Variants in ME1 observed in about 807,000 individuals in gnomAD.
ME1 encodes the protein NADP-dependent malic enzyme.
In ME1, 74 loss-of-function variants were observed where a neutral mutation model predicts 66.4. The observed-to-expected ratio is 1.11, with a 90% CI of 0.92 to 1.35. The LOEUF (loss-of-function observed/expected upper bound fraction) is 1.35. Among genes scored for constraint, ME1 ranks in the 40% most tolerant of loss-of-function variants. The pLI is 0.00. For synonymous variants in ME1, 251 were observed against 235.6 expected (o/e 1.07, Z -0.60); for missense variants, 750 against 694.1 (o/e 1.08, Z -0.90).
intron 9 of ME1, among the ~76,000 whole-genome samples, chr6:83,237,480 C>T (rs1373749801): frequency 6.6e-6 from 1 of 152,112 alleles, no homozygotes; most frequent in Non-Finnish European, 1.5e-5. Context: ...TTCAAATGGA[C>T]TGTCAATTCA....
At chr6:83,326,452 C>A (rs1232822698) in intron 5 of ME1, among the ~76,000 whole-genome samples, 1 of 152,028 alleles carries the variant, frequency 6.6e-6, no homozygotes, top group Admixed American at 6.5e-5. Flanking sequence ...AGTGAACAGG[C>A]AACCTACAGA....
intron 3 of ME1, among the ~76,000 whole-genome samples, chr6:83,375,162 T>C (rs1769263326): frequency 6.6e-6 from 1 of 152,218 alleles, no homozygotes; most frequent in African/African-American, 2.4e-5. Context: ...GGGAATAGCA[T>C]TGAATCTATA....
chr6:83,323,991 C>A (rs1270147250), intron 5 of ME1, among the ~76,000 whole-genome samples: 1 of 152,140 alleles, frequency 6.6e-6, no homozygotes, highest in Non-Finnish European at 1.5e-5. Context: ...AACACACTCT[C>A]AGACCACAGT....
chr6:83,394,932 T>A (rs1382876902), intron 3 of ME1, among the ~76,000 whole-genome samples: 7 of 152,180 alleles, frequency 4.6e-5, no homozygotes, highest in Non-Finnish European at 8.8e-5. Context: ...ACAAAAGAGC[T>A]ACTTTAAGAT....
At chr6:83,307,736 A>G (rs564755236) in intron 6 of ME1, among the ~76,000 whole-genome samples, 2 of 152,256 alleles carry the variant, frequency 1.3e-5, no homozygotes, top group Admixed American at 6.5e-5. Context: ...AGGGCAGTAG[A>G]AAAAGACCCT....
At chr6:83,398,662 C>A (rs141422127) in intron 2 of ME1, 146 bp from the exon 3 acceptor site, 3 of 499,016 alleles carry the variant, frequency 6.0e-6, no homozygotes, top group African/African-American at 2.0e-5. Flanking sequence ...AAGAAATATT[C>A]TTTTCTTTTT....
chr6:83,352,144 A>AC lies in ME1; in HGVS notation c.363-6_363-5insG. The AC allele has an allele frequency of 8.5e-6, 11 of 1,290,534 alleles. No homozygotes were observed. The highest frequency in any genetic ancestry group is 9.2e-6 in the Non-Finnish European group (9 of 975,344). 79.9% of individuals were successfully genotyped at this position (1,290,534 alleles called of 1,614,324 possible). ...TGGATAGTAATAAAGAGACCTCTGC[A>AC]GAAAAAAAAAAAAAAAAAGGAGTAG... On this transcript the variant is annotated splice_region_variant and splice_polypyrimidine_tract_variant and intron_variant, in intron 3 of 13. Coordinates refer to ENST00000369705, the MANE Select transcript of ME1 (RefSeq NM_002395.6).
At chr6:83,303,326 A>T (rs1213790318) in intron 6 of ME1, among the ~76,000 whole-genome samples, 1 of 152,198 alleles carries the variant, frequency 6.6e-6, no homozygotes, top group Non-Finnish European at 1.5e-5. Context: ...TTGTGAAAGT[A>T]ATTTTTACTA....
At chr6:83,322,514 A>T (rs559891109) in intron 5 of ME1, among the ~76,000 whole-genome samples, 3 of 152,300 alleles carry the variant, frequency 2.0e-5, no homozygotes, top group Admixed American at 1.3e-4. Context: ...AGCATACACA[A>T]GTATCAATAG....
At chr6:83,390,208 A>T (rs1383413528) in intron 3 of ME1, among the ~76,000 whole-genome samples, 1 of 152,202 alleles carries the variant, frequency 6.6e-6, no homozygotes, top group Admixed American at 6.5e-5. Context: ...TGATCAAAAG[A>T]TATATTTGTT....
intron 5 of ME1, among the ~76,000 whole-genome samples, chr6:83,328,972 C>T (rs1361188205): frequency 6.6e-6 from 1 of 152,134 alleles, no homozygotes; most frequent in African/African-American, 2.4e-5. Flanking sequence ...TTACTATTCA[C>T]ATTATCTCAA....
At chr6:83,233,397 T>C (rs927530631) in intron 9 of ME1, among the ~76,000 whole-genome samples, 1 of 152,140 alleles carries the variant, frequency 6.6e-6, no homozygotes, top group South Asian at 2.1e-4. Flanking sequence ...AACCAAGTAA[T>C]TGACTTCAAT....
At chr6:83,228,465 T>C (rs1790239852) in intron 10 of ME1, among the ~76,000 whole-genome samples, 2 of 152,162 alleles carry the variant, frequency 1.3e-5, no homozygotes, top group African/African-American at 4.8e-5. Flanking sequence ...CCAACCCCGC[T>C]ACCCTAGTTA....
In ME1 at chr6:83,407,834, T is replaced by G; in HGVS notation, c.146A>C (p.Asn49Thr). ...NIHGLLPPSF[N>T]SQEIQVLRVV... is the part of the protein sequence containing the mutation. ...TCTAAGAACCTGGATCTCCTGACTG[T>G]TGAAGGAAGGTGGCAACAATCCATG... Residue 49 changes from asparagine to threonine, a missense_variant, in exon 2 of 14, where the codon AAC becomes ACC. Coordinates refer to ENST00000369705, the MANE Select transcript of ME1 (RefSeq NM_002395.6). 2 of 1,613,558 alleles carry G rather than the reference T, an allele frequency of 1.2e-6. No individual in the cohort carries two copies. Among genetic ancestry groups the G allele is most frequent in the African/African-American group, 2.7e-5 (2 of 75,016 alleles).
intron 7 of ME1, among the ~76,000 whole-genome samples, chr6:83,244,517 G>A (rs1024304132): frequency 1.3e-5 from 2 of 152,040 alleles, no homozygotes; most frequent in Non-Finnish European, 2.9e-5. Context: ...AGCAGATGGT[G>A]TTTAAAGATT....
intron 6 of ME1, among the ~76,000 whole-genome samples, chr6:83,258,734 A>T (rs1766828577): frequency 6.6e-6 from 1 of 152,144 alleles, no homozygotes; most frequent in Non-Finnish European, 1.5e-5. Flanking sequence ...TTATCCACTT[A>T]ACAGATAAAG....
At chr6:83,375,854 T>C (rs145787924) in intron 3 of ME1, among the ~76,000 whole-genome samples, 12 of 152,316 alleles carry the variant, frequency 7.9e-5, no homozygotes, top group Non-Finnish European at 1.5e-4. Flanking sequence ...GAAATAATCA[T>C]GTGGTTTTTG....
chr6:83,274,965 G>T (rs1405797225), intron 6 of ME1, among the ~76,000 whole-genome samples: 2 of 152,092 alleles, frequency 1.3e-5, no homozygotes, highest in African/African-American at 2.4e-5. Context: ...GTACAATGAA[G>T]AAATGAAAAT....
chr6:83,296,616 G>A (rs1244563016), intron 6 of ME1, among the ~76,000 whole-genome samples: 1 of 152,178 alleles, frequency 6.6e-6, no homozygotes, highest in Admixed American at 6.5e-5. Context: ...ACAAGACAAG[G>A]ATGCCCTCTC....
Sources: gnomAD v4.1 joint callset for allele counts (sites outside exome capture counted in the v4.1 genomes callset) on GRCh38, gnomAD v4.1.1 for gene constraint, MANE v1.5 for transcripts, NCBI Gene and HGNC (gene_info 2026-07-23, HGNC 2026-07-21) for gene names.